The following SETBP1 variants were observed in gnomAD, a reference collection of about 807,000 sequenced individuals.
SETBP1 encodes the protein SET binding protein 1.
Under a neutral mutation model 101.0 loss-of-function variants are expected in SETBP1, and 9 were observed. That is an observed-to-expected ratio of 0.09 (90% confidence interval 0.05 to 0.16). SETBP1 has a LOEUF of 0.16. Ranked by LOEUF, SETBP1 falls within the 10% of genes least tolerant of loss-of-function variation. SETBP1 has a pLI of 1.00. For synonymous variants in SETBP1, 818 were observed against 788.5 expected, an observed-to-expected ratio of 1.04 and a Z score of -0.63; for missense variants, 1,858 against 2,033.8, an observed-to-expected ratio of 0.91 and a Z score of 1.66.
intron 5 of SETBP1, among the ~76,000 whole-genome samples, chr18:45,054,815 C>T (rs115639949): frequency 4.9e-4 from 74 of 152,240 alleles, no homozygotes; most frequent in African/African-American, 1.8e-3. Context: ...ACCCGTGGGC[C>T]CATGAAATAA....
At chr18:45,026,101 T>A (rs557395920) in intron 4 of SETBP1, among the ~76,000 whole-genome samples, 4 of 152,208 alleles carry the variant, frequency 2.6e-5, no homozygotes, top group Admixed American at 2.6e-4. Context: ...CTACAAAAGA[T>A]GCTTATATTA....
intron 2 of SETBP1, among the ~76,000 whole-genome samples, chr18:44,812,067 A>AG (rs1410039053): frequency 6.6e-6 from 1 of 152,126 alleles, no homozygotes; most frequent in Non-Finnish European, 1.5e-5. Context: ...TTGTAGAATT[A>AG]GGGGCCTGCA....
intron 4 of SETBP1, among the ~76,000 whole-genome samples, chr18:44,971,839 T>C (rs2071869016): frequency 6.6e-6 from 1 of 152,230 alleles, no homozygotes; most frequent in Non-Finnish European, 1.5e-5. Context: ...CTGTTCACTC[T>C]GATGGTAGTT....
chr18:44,820,818 T>C (rs2072096781), intron 2 of SETBP1, among the ~76,000 whole-genome samples: 1 of 152,194 alleles, frequency 6.6e-6, no homozygotes, highest in Non-Finnish European at 1.5e-5. Flanking sequence ...TATGGACTGA[T>C]TGAAGATGTA....
intron 2 of SETBP1, among the ~76,000 whole-genome samples, chr18:44,771,416 T>G (rs894492227): frequency 2.0e-5 from 3 of 151,648 alleles, no homozygotes; most frequent in Non-Finnish European, 4.4e-5. Context: ...AACTGTTAGA[T>G]GAGCAGCTAA....
intron 3 of SETBP1, among the ~76,000 whole-genome samples, chr18:44,939,466 C>A (rs930057825): frequency 5.3e-5 from 8 of 152,072 alleles, no homozygotes; most frequent in African/African-American, 1.9e-4. Context: ...GTCTTTTCTG[C>A]CTTTGATTGG....
At chr18:44,787,729 C>T (rs1230991908) in intron 2 of SETBP1, among the ~76,000 whole-genome samples, 1 of 146,120 alleles carries the variant, frequency 6.8e-6, no homozygotes, top group Non-Finnish European at 1.5e-5. Context: ...TGGCGGGCGC[C>T]TGTAGTCCCA....
chr18:44,976,030 C>T (rs1461919207), intron 4 of SETBP1, among the ~76,000 whole-genome samples: 1 of 149,456 alleles, frequency 6.7e-6, no homozygotes, highest in African/African-American at 2.5e-5. Flanking sequence ...GCAGACTGTG[C>T]ATGTATATTC....
chr18:44,808,889 C>T (rs1015298118), intron 2 of SETBP1, among the ~76,000 whole-genome samples: 6 of 152,176 alleles, frequency 3.9e-5, no homozygotes, highest in Non-Finnish European at 8.8e-5. Context: ...TTTCCCTCAT[C>T]CTAATCACCA....
chr18:44,847,136 G>A lies in SETBP1; in HGVS notation c.487-22094G>A, dbSNP rs148040954. ...AGAGTTGGAACCCTGTGGGAAGGAAGGTTAAGAATAGGCATAACACTACAG... is the reference window on the plus strand; with the variant it reads ...AGAGTTGGAACCCTGTGGGAAGGAAAGTTAAGAATAGGCATAACACTACAG... On this transcript the variant is annotated intron_variant, in intron 2 of 5. Coordinates refer to ENST00000649279, the MANE Select transcript of SETBP1 (RefSeq NM_015559.3). Among the ~76,000 whole-genome samples, 780 of 152,350 alleles carry A rather than the reference G, an allele frequency of 5.1e-3. 5 individuals are homozygous for A. Among genetic ancestry groups the A allele is most frequent in the African/African-American group, 0.017 (726 of 41,580 alleles).
At chr18:44,954,363 G>C (rs1053148044) in intron 4 of SETBP1, among the ~76,000 whole-genome samples, 1 of 132,440 alleles carries the variant, frequency 7.6e-6, no homozygotes, top group Non-Finnish European at 1.6e-5. Context: ...AACAGTTCTT[G>C]TGTTCCCCCT....
At chr18:45,034,827 GC>G (rs1422637658) in intron 4 of SETBP1, among the ~76,000 whole-genome samples, 20 of 152,092 alleles carry the variant, frequency 1.3e-4, no homozygotes, top group Non-Finnish European at 1.8e-4. Flanking sequence ...CCTTCCCAGA[GC>G]ACACCCGTGG....
At chr18:44,750,754 G>A (rs1005807723) in intron 2 of SETBP1, among the ~76,000 whole-genome samples, 1 of 152,186 alleles carries the variant, frequency 6.6e-6, no homozygotes, top group Non-Finnish European at 1.5e-5. Flanking sequence ...GGGAAGGGAA[G>A]ACATGACCCC....
intron 5 of SETBP1, among the ~76,000 whole-genome samples, chr18:45,040,183 A>G (rs191656037): frequency 7.5e-4 from 114 of 152,298 alleles, no homozygotes; most frequent in African/African-American, 2.5e-3. Context: ...AAATATGATC[A>G]TGAGCCTTCA....
intron 4 of SETBP1, among the ~76,000 whole-genome samples, chr18:44,992,319 T>C (rs1251462455): frequency 6.6e-6 from 1 of 152,088 alleles, no homozygotes; most frequent in African/African-American, 2.4e-5. Flanking sequence ...CCGACATTTT[T>C]TTTAAAGACT....
intron 2 of SETBP1, among the ~76,000 whole-genome samples, chr18:44,750,475 G>T (rs949064371): frequency 6.6e-6 from 1 of 152,198 alleles, no homozygotes; most frequent in East Asian, 1.9e-4. Flanking sequence ...GGGGGTTAGG[G>T]TGTTAACATG....
chr18:44,962,061 T>C (rs969233879), intron 4 of SETBP1, among the ~76,000 whole-genome samples: 27 of 152,274 alleles, frequency 1.8e-4, no homozygotes, highest in Middle Eastern at 3.4e-3. Flanking sequence ...CAGGGACAAT[T>C]AGGGAGACCA....
chr18:44,949,965 A>C lies in SETBP1; in HGVS notation c.625A>C (p.Lys209Gln). Residue 209 changes from lysine (K) to glutamine (Q), a missense_variant, in exon 4 of 6, where the codon AAG (lysine) becomes CAG (glutamine). Physicochemically the swap from Lys to Gln is moderately conservative, Grantham distance 53. Transcript: ENST00000649279. Reference protein sequence around the residue: ...QDFTGDTLKPKHQQKSSSQNH... With the variant: ...QDFTGDTLKPQHQQKSSSQNH... ...CTTCACCGGTGACACCTTAAAACCA[A>C]AGCACCAGCAAAAAAGCAGCAGCCA... 3 of 1,614,102 alleles carry C rather than the reference A, an allele frequency of 1.9e-6. No homozygotes were observed. In the South Asian group the frequency reaches 3.3e-5, roughly 18 times the overall value.
chr18:45,034,722 G>A (rs182108593), intron 4 of SETBP1, among the ~76,000 whole-genome samples: 155 of 152,206 alleles, frequency 1.0e-3, no homozygotes, highest in African/African-American at 3.7e-3. Context: ...AATCCTCACT[G>A]CAGTTTGTCT....
Sources: gnomAD v4.1 joint callset for allele counts (sites outside exome capture counted in the v4.1 genomes callset) on GRCh38, gnomAD v4.1.1 for gene constraint, MANE v1.5 for transcripts, NCBI Gene and HGNC (gene_info 2026-07-23, HGNC 2026-07-21) for gene names.